The following UPP2 variants were observed in gnomAD, a reference collection of about 807,000 sequenced individuals.
UPP2 encodes the protein UPase 2.
In UPP2, 23 loss-of-function variants were observed where a neutral mutation model predicts 26.7. That is an observed-to-expected ratio of 0.86 (90% CI 0.62 to 1.22). The LOEUF (loss-of-function observed/expected upper bound fraction) is 1.22. Among genes scored for constraint, UPP2 ranks in the 50% most tolerant of loss-of-function variants. The pLI is 0.00. For synonymous variants in UPP2, 127 were observed against 141.3 expected, an observed-to-expected ratio of 0.90 and a Z score of 0.72; for missense variants, 387 against 396.7, an observed-to-expected ratio of 0.98 and a Z score of 0.21.
upstream of UPP2, among the ~76,000 whole-genome samples, chr2:158,097,639 C>A (rs574686984): frequency 5.9e-5 from 9 of 152,170 alleles, no homozygotes; most frequent in Non-Finnish European, 1.3e-4. Flanking sequence ...ATGCTGCAAT[C>A]CTCCCCAGGG....
chr2:158,044,179 T>C (rs1291600171), intron 3 of UPP2, among the ~76,000 whole-genome samples: 1 of 152,074 alleles, frequency 6.6e-6, no homozygotes, highest in African/African-American at 2.4e-5. Flanking sequence ...AGACTAGCGG[T>C]AGATGGGGGC....
intron 3 of UPP2, among the ~76,000 whole-genome samples, chr2:158,090,108 G>A (rs548034473): frequency 6.6e-6 from 1 of 152,232 alleles, no homozygotes; most frequent in Non-Finnish European, 1.5e-5. Context: ...AACTAAAAGG[G>A]TGGAATTGGA....
chr2:158,101,255 G>T (rs1037210850), upstream of UPP2, among the ~76,000 whole-genome samples: 1 of 152,210 alleles, frequency 6.6e-6, no homozygotes, highest in South Asian at 2.1e-4. Context: ...ATTAGTGAAA[G>T]TAGTGAATTC....
chr2:158,087,610 G>A (rs1166755609), intron 3 of UPP2, among the ~76,000 whole-genome samples: 1 of 152,070 alleles, frequency 6.6e-6, no homozygotes, highest in Non-Finnish European at 1.5e-5. Context: ...ATGCTTTAAT[G>A]AGGTTCTATT....
chr2:158,088,364 T>G (rs1219058558), intron 3 of UPP2, among the ~76,000 whole-genome samples: 1 of 152,212 alleles, frequency 6.6e-6, no homozygotes, highest in Non-Finnish European at 1.5e-5. Context: ...GCTATTTATT[T>G]CACTGAAGCT....
intron 2 of UPP2, among the ~76,000 whole-genome samples, chr2:158,014,501 TA>T (rs1181829937): frequency 6.6e-6 from 1 of 152,172 alleles, no homozygotes; most frequent in African/African-American, 2.4e-5. Context: ...CATCTCTTAT[TA>T]AAAAGTACAG....
intron 3 of UPP2, among the ~76,000 whole-genome samples, chr2:158,019,374 G>A (rs532363986): frequency 1.3e-5 from 2 of 152,182 alleles, no homozygotes; most frequent in Non-Finnish European, 2.9e-5. Flanking sequence ...GCTGGAGGAC[G>A]GAGCGGGGAG....
intron 2 of UPP2, among the ~76,000 whole-genome samples, chr2:158,107,342 T>A (rs955818419): frequency 6.6e-6 from 1 of 152,182 alleles, no homozygotes; most frequent in South Asian, 2.1e-4. Flanking sequence ...ATTTAGCTCT[T>A]TTGGATGGGT....
chr2:158,132,325 C>T (rs747543230), intron 6 of UPP2, among the ~76,000 whole-genome samples: 3 of 152,190 alleles, frequency 2.0e-5, no homozygotes, highest in Non-Finnish European at 4.4e-5. Flanking sequence ...TAATGGTTCA[C>T]CATGTGCTAG....
chr2:158,046,085 A>C (rs1306071586), intron 3 of UPP2, among the ~76,000 whole-genome samples: 1 of 152,244 alleles, frequency 6.6e-6, no homozygotes, highest in Non-Finnish European at 1.5e-5. Context: ...GTAATGCCTA[A>C]GAATGTCAAA....
chr2:158,100,100 C>T (rs998495955), upstream of UPP2, among the ~76,000 whole-genome samples: 1 of 152,180 alleles, frequency 6.6e-6, no homozygotes, highest in Non-Finnish European at 1.5e-5. Flanking sequence ...AGAGCAGGAT[C>T]GAGTCTTGAG....
chr2:158,056,363 A>G (rs946313090), intron 3 of UPP2, among the ~76,000 whole-genome samples: 1 of 151,866 alleles, frequency 6.6e-6, no homozygotes, highest in African/African-American at 2.4e-5. Context: ...ATTATTATTG[A>G]CTACAGTCTA....
intron 3 of UPP2, among the ~76,000 whole-genome samples, chr2:158,092,647 A>G (rs1408541557): frequency 6.6e-6 from 1 of 152,258 alleles, no homozygotes; most frequent in Admixed American, 6.5e-5. Context: ...GCAGACATGG[A>G]TAATGTAAAT....
chr2:158,081,254 A>G (rs1421556239), intron 3 of UPP2, among the ~76,000 whole-genome samples: 1 of 152,232 alleles, frequency 6.6e-6, no homozygotes, highest in African/African-American at 2.4e-5. Flanking sequence ...AATGCTTAAC[A>G]AAAATTAAGG....
chr2:158,131,820 GTAATT>G (rs1378554101), intron 6 of UPP2, among the ~76,000 whole-genome samples: 2 of 152,236 alleles, frequency 1.3e-5, no homozygotes, highest in Non-Finnish European at 1.5e-5. Context: ...CATGGAAATA[GTAATT>G]TTAAGTGACA....
rs753336303 is a variant in UPP2 at position 158,134,842 on chromosome 2, GCTCCTAAT to G, written c.911_918del (p.Leu304GlnfsTer11). The G allele has an allele frequency of 2.5e-6, 4 of 1,613,656 alleles. No individual in the cohort carries two copies. The Admixed American group carries it at 5.0e-5, about 20-fold the overall frequency. ...TGGTGGAGTACCAGCAACGGCCTCA[GCTCCTAAT>G]CTCCAACTTCATCAGACGGCGGCTT... On this transcript the variant is annotated frameshift_variant, in exon 7 of 7. Coordinates refer to ENST00000005756, the MANE Select transcript of UPP2 (RefSeq NM_173355.4). LOFTEE classifies it high-confidence loss of function.
At chr2:158,110,826 T>A (rs1365936393) in intron 2 of UPP2, among the ~76,000 whole-genome samples, 2 of 152,218 alleles carry the variant, frequency 1.3e-5, no homozygotes, top group Non-Finnish European at 2.9e-5. Flanking sequence ...TTGAGAAGTG[T>A]CTGTTCATAT....
chr2:158,008,535 T>C (rs1422463182), intron 2 of UPP2, among the ~76,000 whole-genome samples: 2 of 152,196 alleles, frequency 1.3e-5, no homozygotes, highest in East Asian at 1.9e-4. Flanking sequence ...AATAAAATAC[T>C]GTACTGGCAC....
chr2:158,000,142 C>A (rs1683383289), intron 2 of UPP2, among the ~76,000 whole-genome samples: 1 of 151,838 alleles, frequency 6.6e-6, no homozygotes, highest in South Asian at 2.1e-4. Flanking sequence ...CGGCTCACTG[C>A]AACCTCTGTC....
Sources: gnomAD v4.1 joint callset for allele counts (sites outside exome capture counted in the v4.1 genomes callset) on GRCh38, gnomAD v4.1.1 for gene constraint, MANE v1.5 for transcripts, NCBI Gene and HGNC (gene_info 2026-07-23, HGNC 2026-07-21) for gene names.